BANK1: variants seen among roughly 807,000 people sequenced by gnomAD.
BANK1 encodes the protein B cell scaffold protein with ankyrin repeats 1.
Under a neutral mutation model 94.5 loss-of-function variants are expected in BANK1, and 95 were observed. The observed-to-expected ratio is 1.00, with a 90% CI of 0.85 to 1.19. The LOEUF (loss-of-function observed/expected upper bound fraction) is 1.19. Among genes scored for constraint, BANK1 ranks in the 50% most tolerant of loss-of-function variants. The probability of loss-of-function intolerance (pLI) is 0.00; values close to 1 mark genes in which losing one functional copy is unlikely to be tolerated. For synonymous variants in BANK1, 334 were observed against 308.4 expected (o/e 1.08, Z -0.87); for missense variants, 987 against 932.2 (o/e 1.06, Z -0.77).
chr4:101,809,157 T>A (rs1426446548), intron 1 of BANK1, among the ~76,000 whole-genome samples: 1 of 152,198 alleles, frequency 6.6e-6, no homozygotes, highest in Non-Finnish European at 1.5e-5. Context: ...CATGGAATAC[T>A]GCTTGCTCAT....
chr4:101,976,294 T>G (rs1482012029), intron 7 of BANK1, among the ~76,000 whole-genome samples: 1 of 152,056 alleles, frequency 6.6e-6, no homozygotes, highest in Admixed American at 6.6e-5. Flanking sequence ...AGGGGTTAGG[T>G]TTCTCCATTT....
At chr4:101,843,438 C>T (rs1727132472) in intron 2 of BANK1, among the ~76,000 whole-genome samples, 1 of 152,112 alleles carries the variant, frequency 6.6e-6, no homozygotes, top group Non-Finnish European at 1.5e-5. Flanking sequence ...TGTATTTTCC[C>T]ATTGTTAATT....
In BANK1 at chr4:101,811,388, T is replaced by C. The variant is rs535298688; in HGVS notation, c.71-18420T>C. Among the ~76,000 whole-genome samples, 8 of 152,244 alleles carry C rather than the reference T, an allele frequency of 5.3e-5. No homozygotes were observed. In the East Asian group the frequency reaches 1.2e-3, roughly 22 times the overall value. On this transcript the variant is annotated intron_variant, in intron 1 of 16. Coordinates refer to ENST00000322953, the MANE Select transcript of BANK1 (RefSeq NM_017935.5). The stretch of plus-strand genomic sequence containing the variant: ...TAAAATTTCAGTTGGGATAGGATCA[T>C]ATGGAACCATAAGGCATAATTTAAA...
At chr4:101,865,374 G>A (rs781652161) in intron 4 of BANK1, among the ~76,000 whole-genome samples, 12 of 152,028 alleles carry the variant, frequency 7.9e-5, no homozygotes, top group Non-Finnish European at 1.8e-4. Flanking sequence ...AGTAGTTTTA[G>A]GATGTCCCCA....
chr4:101,812,715 C>A (rs1239885529), intron 1 of BANK1, among the ~76,000 whole-genome samples: 1 of 151,732 alleles, frequency 6.6e-6, no homozygotes, highest in African/African-American at 2.4e-5. Flanking sequence ...TAAAATTATG[C>A]CTAGATATTA....
intron 7 of BANK1, among the ~76,000 whole-genome samples, chr4:101,985,899 G>A (rs1286894436): frequency 2.0e-5 from 3 of 151,936 alleles, no homozygotes; most frequent in African/African-American, 4.8e-5. Flanking sequence ...GATTTCAAAG[G>A]ATTTGAGAGA....
rs114430346 is a variant in BANK1, at chr4:101,839,491, G to A, written c.469+9285G>A. 9.0e-3 allele frequency among the ~76,000 whole-genome samples: 1,367 copies of A among 152,192 alleles called. 13 individuals are homozygous for A. The highest frequency in any genetic ancestry group is 0.013 in the Non-Finnish European group (910 of 67,996). On this transcript the variant is annotated intron_variant, in intron 2 of 16. Transcript: ENST00000322953. ...ATTTCTAGGGAGGTAAGTAATGCTC[G>A]TCAATCCATTTAATAGCTTCCCATA... is the stretch of plus-strand genomic sequence containing the variant.
intron 13 of BANK1, among the ~76,000 whole-genome samples, chr4:102,065,532 A>G (rs1410854457): frequency 1.3e-5 from 2 of 152,166 alleles, no homozygotes; most frequent in Non-Finnish European, 2.9e-5. Flanking sequence ...AATTAAAAAA[A>G]GAAGACATAC....
At chr4:102,012,116 A>G (rs2148942509) in intron 7 of BANK1, among the ~76,000 whole-genome samples, 1 of 152,312 alleles carries the variant, frequency 6.6e-6, no homozygotes, top group Non-Finnish European at 1.5e-5. Flanking sequence ...TAAATTTCAT[A>G]ATTTAAATGT....
intron 1 of BANK1, among the ~76,000 whole-genome samples, chr4:101,802,346 AT>A (rs1725381415): frequency 6.6e-6 from 1 of 152,234 alleles, no homozygotes; most frequent in Non-Finnish European, 1.5e-5. Context: ...GCCTGAAGTA[AT>A]TTATTCCCTA....
intron 15 of BANK1, among the ~76,000 whole-genome samples, chr4:102,072,894 A>G (rs1221828691): frequency 6.6e-6 from 1 of 152,170 alleles, no homozygotes; most frequent in Non-Finnish European, 1.5e-5. Context: ...TGGAAAACCA[A>G]GACCAATCCA....
intron 5 of BANK1, among the ~76,000 whole-genome samples, chr4:101,894,407 CCACTTTATTACTTG>C (rs1241249761): frequency 6.6e-6 from 1 of 151,982 alleles, no homozygotes; most frequent in Non-Finnish European, 1.5e-5. Context: ...GAGACCTAAA[CCACTTTATTACTTG>C]CACCCTGAAT....
intron 7 of BANK1, among the ~76,000 whole-genome samples, chr4:102,010,279 A>G (rs1726459318): frequency 6.6e-6 from 1 of 151,888 alleles, no homozygotes; most frequent in African/African-American, 2.4e-5. Context: ...ACAAACAAAC[A>G]AGCAAACAAA....
At chr4:102,034,156 A>G (rs952122351) in intron 10 of BANK1, among the ~76,000 whole-genome samples, 1 of 152,168 alleles carries the variant, frequency 6.6e-6, no homozygotes, top group Non-Finnish European at 1.5e-5. Context: ...CAAAAATGGT[A>G]TCAGTATATT....
intron 7 of BANK1, among the ~76,000 whole-genome samples, chr4:101,955,840 G>A (rs1176405826): frequency 6.6e-6 from 1 of 152,118 alleles, no homozygotes; most frequent in Non-Finnish European, 1.5e-5. Context: ...AGCCATAAAT[G>A]TTTCCTGAGG....
In BANK1 at chr4:101,886,222, TC is replaced by T. The variant is rs1728850541; in HGVS notation, c.904-9080del. ...GTGAAAAAATTTTATACATTAAGTTTCCCACCCAGTTTCAAGTGATCCACTT... is the reference window on the plus strand; with the variant it reads ...GTGAAAAAATTTTATACATTAAGTTTCCACCCAGTTTCAAGTGATCCACTT... On this transcript the variant is annotated intron_variant, in intron 5 of 16. Coordinates refer to ENST00000322953, the MANE Select transcript of BANK1 (RefSeq NM_017935.5). Among the ~76,000 whole-genome samples the T allele has an allele frequency of 2.6e-5, 4 of 152,320 alleles. No homozygotes were observed. The South Asian group carries it at 8.3e-4, about 32-fold the overall frequency.
At position 102,074,082 on chromosome 4, in the gene BANK1, C is replaced by T. The variant is rs12640056; in HGVS notation, c.*83C>T. On this transcript the variant is annotated 3_prime_UTR_variant, in exon 17 of 17. Transcript: ENST00000322953. Reference sequence around the variant, plus strand: ...CAAGCTTGAATTTGGATTGCCTGCTCTCTTTAAAGCGAATTCATACTATGA... The same window carrying T: ...CAAGCTTGAATTTGGATTGCCTGCTTTCTTTAAAGCGAATTCATACTATGA... The T allele has an allele frequency of 0.24, 44,996 of 191,290 alleles. 6,014 individuals carry two copies. The highest frequency in any genetic ancestry group is 0.36 in the African/African-American group (15,211 of 42,396). 11.8% of individuals were successfully genotyped at this position (191,290 alleles called of 1,614,324 possible).
chr4:101,855,974 A>G (rs1437660864), intron 3 of BANK1, among the ~76,000 whole-genome samples: 1 of 152,198 alleles, frequency 6.6e-6, no homozygotes, highest in African/African-American at 2.4e-5. Context: ...ATATAATCTT[A>G]GGACATGAAA....
intron 1 of BANK1, among the ~76,000 whole-genome samples, chr4:101,815,552 A>G (rs1485976211): frequency 1.3e-5 from 2 of 152,172 alleles, no homozygotes; most frequent in Non-Finnish European, 2.9e-5. Flanking sequence ...AGTAATTTAA[A>G]GAAGATTCTA....
Sources: gnomAD v4.1 joint callset for allele counts (sites outside exome capture counted in the v4.1 genomes callset) on GRCh38, gnomAD v4.1.1 for gene constraint, MANE v1.5 for transcripts, NCBI Gene and HGNC (gene_info 2026-07-23, HGNC 2026-07-21) for gene names.